Variants in FBLN1 observed in about 807,000 individuals in gnomAD.
FBLN1 encodes the protein fibulin 1, also known as fibulin-1.
FBLN1 carries 34 observed loss-of-function variants against 89.7 expected under a neutral mutation model. The ratio of observed to expected loss-of-function variants is 0.38; its 90% CI spans 0.29 to 0.50. The LOEUF is 0.50. Ranked by LOEUF, FBLN1 falls within the 20% of genes least tolerant of loss-of-function variation. The probability of loss-of-function intolerance (pLI) is 0.92; values close to 1 mark genes in which losing one functional copy is unlikely to be tolerated. For synonymous variants in FBLN1, 393 were observed against 391.3 expected (o/e 1.00, Z -0.05); for missense variants, 777 against 988.1 (o/e 0.79, Z 2.86).
At chr22:45,519,578 C>T (rs1009751418) in intron 2 of FBLN1, among the ~76,000 whole-genome samples, 22 of 147,848 alleles carry the variant, frequency 1.5e-4, no homozygotes, top group African/African-American at 4.7e-4. Context: ...GAGCTGAGAT[C>T]GCGCCACTGC....
At chr22:45,551,538 C>T (rs2088701333) in intron 14 of FBLN1, among the ~76,000 whole-genome samples, 1 of 152,270 alleles carries the variant, frequency 6.6e-6, no homozygotes, top group African/African-American at 2.4e-5. Flanking sequence ...TCCCTGGCAG[C>T]CCTCCATATT....
chr22:45,523,734 C>T (rs2088282901), intron 2 of FBLN1, among the ~76,000 whole-genome samples: 1 of 152,134 alleles, frequency 6.6e-6, no homozygotes, highest in Admixed American at 6.5e-5. Flanking sequence ...CAAAAAACAA[C>T]AACAAACTGC....
In FBLN1 at chr22:45,563,083, C is replaced by T. The variant is rs754679738; in HGVS notation, c.1698-11428C>T. Reference sequence around the variant, plus strand: ...ACAGCATGCAGCTGGCCATCACCGGCGGCAATGAGGAGGGCTTTTTCACCA... The same window carrying T: ...ACAGCATGCAGCTGGCCATCACCGGTGGCAATGAGGAGGGCTTTTTCACCA... On this transcript the variant is annotated intron_variant, in intron 14 of 16. Transcript: ENST00000327858. The surrounding 1 kb of genome is among the most constrained non-coding windows in gnomAD (Gnocchi z 5.7). The T allele has an allele frequency of 2.7e-5, 43 of 1,613,334 alleles. No individual in the cohort carries two copies. The highest frequency in any genetic ancestry group is 3.3e-4 in the Middle Eastern group (2 of 6,084).
chr22:45,585,980 C>G (rs1255144433), intron 16 of FBLN1, among the ~76,000 whole-genome samples: 1 of 152,148 alleles, frequency 6.6e-6, no homozygotes, highest in Non-Finnish European at 1.5e-5. Context: ...TGGTGACCCT[C>G]CCTGCAGCAG....
chr22:45,547,386 G>GTTTT (rs5845717), intron 12 of FBLN1, among the ~76,000 whole-genome samples, 182 bp downstream of exon 12: 2 of 53,718 alleles, frequency 3.7e-5, no homozygotes, highest in South Asian at 8.8e-4. Flanking sequence ...TCCAACTGAG[G>GTTTT]TTTTTTTTTT....
Position 45,562,647 on chromosome 22 carries a change from G to A in FBLN1, c.1698-11864G>A, listed in dbSNP as rs1032946934. Among the ~76,000 whole-genome samples the A allele has an allele frequency of 6.6e-6, 1 of 152,196 alleles. No individual in the cohort carries two copies. The highest frequency in any genetic ancestry group is 1.5e-5 in the Non-Finnish European group (1 of 68,026). On this transcript the variant is annotated intron_variant, in intron 14 of 16. Transcript: ENST00000327858. The surrounding 1 kb of genome is among the most constrained non-coding windows in gnomAD (Gnocchi z 7.8). ...GGGGCTCTGCCAGTGAGCAGGGGACGCACCTCACTCCGGGCACAGCCTTTG... is the reference window on the plus strand; with the variant it reads ...GGGGCTCTGCCAGTGAGCAGGGGACACACCTCACTCCGGGCACAGCCTTTG...
At chr22:45,518,642 G>T (rs375232977) in intron 1 of FBLN1, 40 bp from the exon 2 acceptor site, 3 of 1,504,812 alleles carry the variant, frequency 2.0e-6, no homozygotes, top group Non-Finnish European at 1.8e-6. Flanking sequence ...CACCCGCTGA[G>T]TGGTGAGCCA....
Position 45,576,856 on chromosome 22 carries a change from G to T in FBLN1, c.1841-121G>T. On this transcript the variant is annotated intron_variant, in intron 15 of 16. Coordinates refer to ENST00000327858, the MANE Select transcript of FBLN1 (RefSeq NM_006486.3). The surrounding 1 kb of genome is among the most constrained non-coding windows in gnomAD (Gnocchi z 5.2). Reference sequence around the variant, plus strand: ...GGGGATCTCTGGCTTCATTGATGTTGTCTCATGAAAGGGCCCTGGGTTAGG... The same window carrying T: ...GGGGATCTCTGGCTTCATTGATGTTTTCTCATGAAAGGGCCCTGGGTTAGG... 1 of 1,192,262 alleles carries T rather than the reference G, an allele frequency of 8.4e-7. No homozygotes were observed. Among genetic ancestry groups the T allele is most frequent in the African/African-American group, 1.5e-5 (1 of 66,808 alleles). 73.9% of individuals were successfully genotyped at this position (1,192,262 alleles called of 1,614,324 possible). A position where few individuals can be genotyped will look rare whatever the true frequency, so the allele number is the denominator to read the frequency against.
intron 16 of FBLN1, among the ~76,000 whole-genome samples, chr22:45,584,061 C>G (rs1361108937): frequency 6.6e-6 from 1 of 152,188 alleles, no homozygotes; most frequent in Non-Finnish European, 1.5e-5. Flanking sequence ...AGGCAGTCCT[C>G]TGGGTCAACC....
chr22:45,524,233 C>A (rs1287551041), intron 2 of FBLN1, among the ~76,000 whole-genome samples: 1 of 152,204 alleles, frequency 6.6e-6, no homozygotes, highest in Admixed American at 6.5e-5. Flanking sequence ...GCTGGGGAGG[C>A]CCCCACCCTC....
In FBLN1 at chr22:45,518,752, C is replaced by T. The variant is rs1268975067; in HGVS notation, c.150C>T (p.Cys50=). ...GHRMATHQKD[C]SLPYATESKE... ...GGATGGCCACTCATCAGAAGGACTG[C>T]TCGCTGCCATATGCTACGGAATCCA... The change falls in exon 2 of 17, where the codon TGC becomes TGT. Residue 50 remains cysteine (C), a synonymous_variant. Coordinates refer to ENST00000327858, the MANE Select transcript of FBLN1 (RefSeq NM_006486.3). 1 of 1,612,398 alleles carries T rather than the reference C, an allele frequency of 6.2e-7. No individual in the cohort carries two copies. The highest frequency in any genetic ancestry group is 8.5e-7 in the Non-Finnish European group (1 of 1,179,362).
In FBLN1 at chr22:45,550,960, T is replaced by C; in HGVS notation, c.1697+345T>C. 2.5e-6 allele frequency: 1 copy of C among 395,136 alleles called. No homozygotes were observed. The highest frequency in any genetic ancestry group is 2.2e-5 in the South Asian group (1 of 45,370). 24.5% of individuals were successfully genotyped at this position (395,136 alleles called of 1,614,324 possible). ...TTTCCTCATCTGTAACATGCAGATG[T>C]CAGAACGTGCTCTGACTGAGATGCA... On this transcript the variant is annotated intron_variant, in intron 14 of 16. Transcript: ENST00000327858. This position sits in a 1 kb window ranked among gnomAD's most constrained non-coding sequence, Gnocchi z 8.4.
chr22:45,518,876 C>T (rs76022310), intron 2 of FBLN1, 89 bp downstream of exon 2: 30 of 1,209,240 alleles, frequency 2.5e-5, no homozygotes, highest in South Asian at 1.4e-4. Flanking sequence ...CCAGACCTCT[C>T]GGGAGAGGCT....
chr22:45,569,116 T>TG (rs2088929087), intron 14 of FBLN1, among the ~76,000 whole-genome samples: 1 of 152,202 alleles, frequency 6.6e-6, no homozygotes, highest in Non-Finnish European at 1.5e-5. Flanking sequence ...TCTGAGGTAC[T>TG]GGGGATGGAA....
At chr22:45,523,543 A>G (rs1030927546) in intron 2 of FBLN1, among the ~76,000 whole-genome samples, 5 of 152,154 alleles carry the variant, frequency 3.3e-5, no homozygotes, top group African/African-American at 1.2e-4. Flanking sequence ...TCTCTACTAA[A>G]AATATAAAAA....
chr22:45,529,636 C>A (rs2088377422), intron 4 of FBLN1, among the ~76,000 whole-genome samples: 1 of 152,194 alleles, frequency 6.6e-6, no homozygotes, highest in African/African-American at 2.4e-5. Flanking sequence ...GAGGCCGAGG[C>A]AGGCGGATCA....
Position 45,579,445 on chromosome 22 carries a change from C to T in FBLN1, c.1972+2337C>T, listed in dbSNP as rs965590103. Reference sequence around the variant, plus strand: ...TGGGAACGGAATGTGGATGAGGCCACAAGGACCCAGCGGCTTCCCCCGGCA... The same window carrying T: ...TGGGAACGGAATGTGGATGAGGCCATAAGGACCCAGCGGCTTCCCCCGGCA... On this transcript the variant is annotated intron_variant, in intron 16 of 16. Coordinates refer to ENST00000327858, the MANE Select transcript of FBLN1 (RefSeq NM_006486.3). This position sits in a 1 kb window ranked among gnomAD's most constrained non-coding sequence, Gnocchi z 5.5. Among the ~76,000 whole-genome samples the T allele has an allele frequency of 6.6e-6, 1 of 152,214 alleles. No homozygotes were observed. The highest frequency in any genetic ancestry group is 2.4e-5 in the African/African-American group (1 of 41,460).
At chr22:45,540,385 G>A (rs1197674583) in intron 8 of FBLN1, among the ~76,000 whole-genome samples, 7 of 152,212 alleles carry the variant, frequency 4.6e-5, no homozygotes, top group Non-Finnish European at 4.4e-5. Flanking sequence ...CGGTCAGCGC[G>A]AAGGGCTGAC....
At chr22:45,534,437 G>A (rs1413710222) in intron 7 of FBLN1, among the ~76,000 whole-genome samples, 1 of 152,118 alleles carries the variant, frequency 6.6e-6, no homozygotes, top group Non-Finnish European at 1.5e-5. Context: ...GGCATTTCTG[G>A]CTGCCAGCCT....
Sources: allele counts gnomAD v4.1 joint callset (sites outside exome capture counted in the v4.1 genomes callset), GRCh38; gene constraint gnomAD v4.1.1; non-coding constraint Gnocchi (gnomAD v3.1); transcripts MANE v1.5; gene names NCBI Gene and HGNC (gene_info 2026-07-23, HGNC 2026-07-21).